The following TAFA4 variants were observed in gnomAD, a reference collection of about 807,000 sequenced individuals.
The protein encoded by TAFA4 is TAFA chemokine like family member 4, also known as chemokine-like protein TAFA-4.
In TAFA4, 20 loss-of-function variants were observed where a neutral mutation model predicts 21.1. That is an observed-to-expected ratio of 0.95 (90% CI 0.67 to 1.38). TAFA4 has a LOEUF of 1.38. Among genes scored for constraint, TAFA4 ranks in the 40% most tolerant of loss-of-function variants. The pLI, the probability that TAFA4 is intolerant of heterozygous loss-of-function variation, is 0.00. For missense variants in TAFA4, 211 were observed against 180.9 expected (o/e 1.17, Z -0.95); for synonymous variants, 71 against 67.4 (o/e 1.05, Z -0.26).
intron 3 of TAFA4, among the ~76,000 whole-genome samples, chr3:68,846,808 G>T (rs1013925386): frequency 3.3e-5 from 5 of 152,186 alleles, no homozygotes; most frequent in African/African-American, 1.2e-4. Context: ...TTTGCTGGAG[G>T]TCCGCTCCAG....
rs573806612 is a variant in TAFA4 at position 68,923,250 on chromosome 3, T to A, written c.-123+8990A>T. Among the ~76,000 whole-genome samples the A allele has an allele frequency of 2.0e-5, 3 of 152,310 alleles. No homozygotes were observed. The East Asian group carries it at 5.8e-4, about 29-fold the overall frequency. On this transcript the variant is annotated intron_variant, in intron 1 of 5. Coordinates refer to ENST00000295569, the MANE Select transcript of TAFA4 (RefSeq NM_182522.5). ...TGCTTCTACTGTGTAATCACAATAATGAATAAACATGGGGTGCTTAAAAAG... is the reference window on the plus strand; with the variant it reads ...TGCTTCTACTGTGTAATCACAATAAAGAATAAACATGGGGTGCTTAAAAAG...
chr3:68,861,486 A>G (rs1368327423), intron 3 of TAFA4, among the ~76,000 whole-genome samples: 4 of 151,738 alleles, frequency 2.6e-5, no homozygotes, highest in Non-Finnish European at 5.9e-5. Flanking sequence ...CCTGCCCCTA[A>G]CCTTTAGAAA....
chr3:68,839,262 AG>A (rs1451844979), intron 3 of TAFA4, among the ~76,000 whole-genome samples: 1 of 135,686 alleles, frequency 7.4e-6, no homozygotes, highest in African/African-American at 2.6e-5. Context: ...CTTTTAACAG[AG>A]GGTAGCCAAA....
At chr3:68,812,023 C>T (rs1703851638) in intron 3 of TAFA4, among the ~76,000 whole-genome samples, 1 of 152,166 alleles carries the variant, frequency 6.6e-6, no homozygotes, top group Admixed American at 6.6e-5. Flanking sequence ...CAATATTCAA[C>T]ATTCTTAAAG....
chr3:68,790,954 G>T (rs1048952427), intron 3 of TAFA4, among the ~76,000 whole-genome samples: 1 of 152,192 alleles, frequency 6.6e-6, no homozygotes, highest in Non-Finnish European at 1.5e-5. Context: ...GGCAAACGTG[G>T]ATGGATGCAA....
chr3:68,850,047 C>A (rs377325569), intron 3 of TAFA4, among the ~76,000 whole-genome samples: 3 of 152,164 alleles, frequency 2.0e-5, no homozygotes, highest in Non-Finnish European at 4.4e-5. Flanking sequence ...TTGCCATTTA[C>A]CATTGAGTTG....
chr3:68,741,094 G>A (rs147893753), intron 4 of TAFA4, among the ~76,000 whole-genome samples: 76 of 152,242 alleles, frequency 5.0e-4, no homozygotes, highest in African/African-American at 1.7e-3. Flanking sequence ...CTCCAACTCT[G>A]TTCTTCTTTT....
At chr3:68,783,669 CACACAG>C (rs1417632174) in intron 3 of TAFA4, among the ~76,000 whole-genome samples, 56 of 106,626 alleles carry the variant, frequency 5.3e-4, no homozygotes, top group African/African-American at 1.8e-3. Context: ...CAGACACACA[CACACAG>C]AGAGAGAGAG....
chr3:68,793,529 C>A (rs1397367425), intron 3 of TAFA4, among the ~76,000 whole-genome samples: 2 of 152,132 alleles, frequency 1.3e-5, no homozygotes, highest in East Asian at 3.9e-4. Flanking sequence ...GCAAAAATGG[C>A]ATTTTAACTT....
chr3:68,744,145 G>A (rs755766909), intron 4 of TAFA4, among the ~76,000 whole-genome samples: 6 of 152,186 alleles, frequency 3.9e-5, no homozygotes, highest in Non-Finnish European at 8.8e-5. Context: ...GTGAGAACCC[G>A]TGTACTTTGG....
chr3:68,863,876 A>T (rs1410817113), intron 3 of TAFA4, among the ~76,000 whole-genome samples: 1 of 152,152 alleles, frequency 6.6e-6, no homozygotes, highest in East Asian at 1.9e-4. Flanking sequence ...ACTTCACCTA[A>T]GTAACAAGAG....
Position 68,783,919 on chromosome 3 carries a change from G to A in TAFA4, c.131-30901C>T, listed in dbSNP as rs184187260. 2.8e-3 allele frequency among the ~76,000 whole-genome samples: 424 copies of A among 152,054 alleles called. 3 individuals are homozygous for A. The highest frequency in any genetic ancestry group is 0.017 in the Middle Eastern group (5 of 294). On this transcript the variant is annotated intron_variant, in intron 3 of 5. Coordinates refer to ENST00000295569, the MANE Select transcript of TAFA4 (RefSeq NM_182522.5). Reference sequence around the variant, plus strand: ...TTTTATAATGACCCTGTTTACTCTTGCAATAAACATTTGTCTTAAATGGAA... The same window carrying A: ...TTTTATAATGACCCTGTTTACTCTTACAATAAACATTTGTCTTAAATGGAA...
At chr3:68,879,926 A>G (rs2089596256) in intron 3 of TAFA4, among the ~76,000 whole-genome samples, 1 of 152,190 alleles carries the variant, frequency 6.6e-6, no homozygotes, top group African/African-American at 2.4e-5. Flanking sequence ...GCCTCAGATT[A>G]CCAAAGCTGA....
At chr3:68,898,078 G>A (rs1477415644) in intron 1 of TAFA4, among the ~76,000 whole-genome samples, 1 of 152,176 alleles carries the variant, frequency 6.6e-6, no homozygotes. Flanking sequence ...GGAAGTGAGT[G>A]CAATCAGGAG....
intron 3 of TAFA4, among the ~76,000 whole-genome samples, chr3:68,757,395 G>A (rs772968422): frequency 1.1e-4 from 17 of 152,016 alleles, no homozygotes; most frequent in Non-Finnish European, 2.2e-4. Flanking sequence ...CACATTTGGG[G>A]TTAGGACTTC....
intron 3 of TAFA4, among the ~76,000 whole-genome samples, chr3:68,850,640 T>A (rs2106908777): frequency 6.6e-6 from 1 of 152,318 alleles, no homozygotes; most frequent in East Asian, 1.9e-4. Context: ...TCTCTAATGA[T>A]CAGTGATGTC....
At chr3:68,801,323 T>A (rs1198695936) in intron 3 of TAFA4, among the ~76,000 whole-genome samples, 2 of 152,192 alleles carry the variant, frequency 1.3e-5, no homozygotes, top group Non-Finnish European at 2.9e-5. Context: ...TAACTGGCCA[T>A]CATAGCTTTG....
chr3:68,905,480 C>T (rs915307686), intron 1 of TAFA4, among the ~76,000 whole-genome samples: 2 of 152,006 alleles, frequency 1.3e-5, no homozygotes, highest in Admixed American at 1.3e-4. Flanking sequence ...TCTCTGCTTT[C>T]ATACTCCTTA....
chr3:68,770,182 T>G (rs551652640), intron 3 of TAFA4, among the ~76,000 whole-genome samples: 3 of 152,378 alleles, frequency 2.0e-5, no homozygotes, highest in South Asian at 2.1e-4. Flanking sequence ...GTTTTCTGTT[T>G]GTTTTTAATA....
Sources: allele counts gnomAD v4.1 joint callset (sites outside exome capture counted in the v4.1 genomes callset), GRCh38; gene constraint gnomAD v4.1.1; transcripts MANE v1.5; gene names NCBI Gene and HGNC (gene_info 2026-07-23, HGNC 2026-07-21).